AUTS2: variants seen among roughly 807,000 people sequenced by gnomAD.
AUTS2 encodes the protein activator of transcription and developmental regulator AUTS2, also known as autism susceptibility gene 2 protein.
Under a neutral mutation model 112.4 loss-of-function variants are expected in AUTS2, and 17 were observed. The ratio of observed to expected loss-of-function variants is 0.15; its 90% CI spans 0.10 to 0.23. The LOEUF is 0.23. Ranked by LOEUF, AUTS2 falls within the 10% of genes least tolerant of loss-of-function variation. The pLI is 1.00. For missense variants in AUTS2, 1,510 were observed against 1,701.6 expected, an observed-to-expected ratio of 0.89 and a Z score of 1.98; for synonymous variants, 751 against 702.7, an observed-to-expected ratio of 1.07 and a Z score of -1.09.
intron 4 of AUTS2, among the ~76,000 whole-genome samples, chr7:70,252,570 C>T (rs1049251070): frequency 2.6e-5 from 4 of 152,098 alleles, no homozygotes; most frequent in Admixed American, 1.3e-4. Flanking sequence ...CTCTGCTAAT[C>T]GCTTTTTTTT....
intron 4 of AUTS2, among the ~76,000 whole-genome samples, chr7:70,153,187 TAATG>T (rs1584797925): frequency 1.3e-5 from 2 of 152,310 alleles, no homozygotes; most frequent in East Asian, 3.9e-4. Context: ...ATTATCAACT[TAATG>T]AATGAAAATT....
intron 4 of AUTS2, among the ~76,000 whole-genome samples, chr7:70,276,364 G>A (rs1266315911): frequency 6.7e-6 from 1 of 150,122 alleles, no homozygotes; most frequent in Non-Finnish European, 1.5e-5. Flanking sequence ...TTTCTCTAAA[G>A]TAAATTTTGT....
chr7:70,168,853 A>G (rs1584821446), intron 4 of AUTS2, among the ~76,000 whole-genome samples: 1 of 152,162 alleles, frequency 6.6e-6, no homozygotes, highest in African/African-American at 2.4e-5. Flanking sequence ...CATGATTTGT[A>G]CCAGTCACTT....
At chr7:70,747,965 G>A (rs1334346416) in intron 6 of AUTS2, among the ~76,000 whole-genome samples, 3 of 148,128 alleles carry the variant, frequency 2.0e-5, no homozygotes, top group African/African-American at 7.6e-5. Flanking sequence ...GGGACTATAG[G>A]CACCTGCCAC....
chr7:70,475,995 A>G (rs10950204), intron 5 of AUTS2, among the ~76,000 whole-genome samples: 62,674 of 151,932 alleles, frequency 0.41, 13,281 homozygotes, highest in African/African-American at 0.47. Context: ...CACCACTGCA[A>G]TCCAGCCTGG....
chr7:69,992,123 A>G (rs1457383939), intron 2 of AUTS2, among the ~76,000 whole-genome samples: 3 of 152,202 alleles, frequency 2.0e-5, no homozygotes, highest in Non-Finnish European at 4.4e-5. Context: ...TAGTGTTCCC[A>G]TCTGTTGTAT....
At chr7:70,322,981 G>T (rs1790325098) in intron 4 of AUTS2, among the ~76,000 whole-genome samples, 1 of 152,170 alleles carries the variant, frequency 6.6e-6, no homozygotes, top group African/African-American at 2.4e-5. Context: ...CCCCAGATGG[G>T]GGCCTCCCAG....
chr7:69,943,686 C>G (rs1409860279), intron 2 of AUTS2, among the ~76,000 whole-genome samples: 1 of 152,008 alleles, frequency 6.6e-6, no homozygotes, highest in African/African-American at 2.4e-5. Flanking sequence ...TGAAAGAGAA[C>G]AAATTTTCCA....
At chr7:70,557,633 A>G (rs1801306446) in intron 5 of AUTS2, among the ~76,000 whole-genome samples, 1 of 152,220 alleles carries the variant, frequency 6.6e-6, no homozygotes. Flanking sequence ...GGTTACAGCA[A>G]ATGTTAATCA....
intron 1 of AUTS2, among the ~76,000 whole-genome samples, chr7:69,858,588 G>C (rs899931597): frequency 1.4e-4 from 22 of 152,134 alleles, no homozygotes; most frequent in African/African-American, 5.1e-4. Flanking sequence ...AGCTGCTTTG[G>C]GCTGAGAATA....
At chr7:70,086,210 G>A (rs1346962826) in intron 2 of AUTS2, among the ~76,000 whole-genome samples, 1 of 152,140 alleles carries the variant, frequency 6.6e-6, no homozygotes, top group African/African-American at 2.4e-5. Flanking sequence ...AAAAAGACCT[G>A]CTGGGATTTT....
At chr7:70,431,984 C>G (rs749475342) in intron 4 of AUTS2, among the ~76,000 whole-genome samples, 19 of 152,182 alleles carry the variant, frequency 1.2e-4, no homozygotes, top group Non-Finnish European at 5.9e-5. Flanking sequence ...GTCTGAAGGC[C>G]GGGTGACCAT....
chr7:70,651,081 G>T (rs1479649689), intron 5 of AUTS2, among the ~76,000 whole-genome samples: 1 of 152,196 alleles, frequency 6.6e-6, no homozygotes, highest in East Asian at 1.9e-4. Context: ...TACAGTTATT[G>T]AGCACTTGCT....
rs76909467 is a variant in AUTS2 at position 70,725,517 on chromosome 7, C to A, written c.742+26897C>A. 7.3e-3 allele frequency among the ~76,000 whole-genome samples: 1,118 copies of A among 152,308 alleles called. 16 individuals carry two copies. The highest frequency in any genetic ancestry group is 0.026 in the African/African-American group (1,071 of 41,568). Reference sequence around the variant, plus strand: ...TGACTGTCAACACCAAATGTACTTTCATTTTTGCAACTGCCTAAGGATTTT... The same window carrying A: ...TGACTGTCAACACCAAATGTACTTTAATTTTTGCAACTGCCTAAGGATTTT... On this transcript the variant is annotated intron_variant, in intron 6 of 18. Coordinates refer to ENST00000342771, the MANE Select transcript of AUTS2 (RefSeq NM_015570.4).
At chr7:70,643,443 T>C (rs1370831107) in intron 5 of AUTS2, among the ~76,000 whole-genome samples, 2 of 152,128 alleles carry the variant, frequency 1.3e-5, no homozygotes, top group Non-Finnish European at 2.9e-5. Flanking sequence ...TGGTGGTGCG[T>C]GCCTGTAATC....
chr7:70,620,627 T>C (rs1804624113), intron 5 of AUTS2, among the ~76,000 whole-genome samples: 1 of 152,128 alleles, frequency 6.6e-6, no homozygotes, highest in Non-Finnish European at 1.5e-5. Flanking sequence ...GTCGTTGTGT[T>C]GTTTGGATTG....
At chr7:70,652,928 A>G (rs922934877) in intron 5 of AUTS2, among the ~76,000 whole-genome samples, 5 of 151,964 alleles carry the variant, frequency 3.3e-5, no homozygotes, top group Admixed American at 2.0e-4. Flanking sequence ...TTATATGACA[A>G]TCCTCCCCTC....
At position 70,791,137 on chromosome 7, in the gene AUTS2, C is replaced by T. The variant is rs1791926051; in HGVS notation, c.*141C>T. The T allele has an allele frequency of 1.3e-6, 1 of 797,314 alleles. No homozygotes were observed. Among genetic ancestry groups the T allele is most frequent in the East Asian group, 3.2e-5 (1 of 31,016 alleles). 49.4% of individuals were successfully genotyped at this position (797,314 alleles called of 1,614,324 possible). A position where few individuals can be genotyped will look rare whatever the true frequency, so the allele number is the denominator to read the frequency against. ...TCCCCTTGTAAAAAATGTATAGACT[C>T]AGTGCACATTTTGAAATGTTTTGTA... On this transcript the variant is annotated 3_prime_UTR_variant, in exon 19 of 19. Coordinates refer to ENST00000342771, the MANE Select transcript of AUTS2 (RefSeq NM_015570.4).
intron 1 of AUTS2, among the ~76,000 whole-genome samples, chr7:69,633,317 A>C (rs1026698376): frequency 6.6e-6 from 1 of 151,296 alleles, no homozygotes; most frequent in South Asian, 2.1e-4. Flanking sequence ...ACACCCACCC[A>C]CACACACACA....
Sources: allele counts gnomAD v4.1 joint callset (sites outside exome capture counted in the v4.1 genomes callset), GRCh38; gene constraint gnomAD v4.1.1; transcripts MANE v1.5; gene names NCBI Gene and HGNC (gene_info 2026-07-23, HGNC 2026-07-21).